The following PLCB1 variants were observed in gnomAD, a reference collection of about 807,000 sequenced individuals.
PLCB1 encodes the protein 1-phosphatidylinositol 4,5-bisphosphate phosphodiesterase beta-1.
PLCB1 carries 46 observed loss-of-function variants against 161.8 expected under a neutral mutation model. The ratio of observed to expected loss-of-function variants is 0.28; its 90% CI spans 0.22 to 0.36. The LOEUF is 0.36. Ranked by LOEUF, PLCB1 falls within the 10% of genes least tolerant of loss-of-function variation. The pLI, the probability that PLCB1 is intolerant of heterozygous loss-of-function variation, is 1.00. For synonymous variants in PLCB1, 517 were observed against 503.7 expected, an observed-to-expected ratio of 1.03 and a Z score of -0.35; for missense variants, 1,016 against 1,472.5, an observed-to-expected ratio of 0.69 and a Z score of 5.07.
chr20:8,809,635 G>A (rs1029815414), intron 31 of PLCB1, among the ~76,000 whole-genome samples: 2 of 152,128 alleles, frequency 1.3e-5, no homozygotes, highest in African/African-American at 4.8e-5. Flanking sequence ...GGTTTTCCCA[G>A]TATTTATCTG....
chr20:8,362,399 C>T (rs193215359), intron 2 of PLCB1, among the ~76,000 whole-genome samples: 25 of 152,188 alleles, frequency 1.6e-4, no homozygotes, highest in African/African-American at 6.0e-4. Context: ...ATAATGTTTC[C>T]TAGAATCCAG....
chr20:8,522,914 A>G (rs1984408848), intron 3 of PLCB1, among the ~76,000 whole-genome samples: 1 of 152,168 alleles, frequency 6.6e-6, no homozygotes. Flanking sequence ...TGCTTCTCAA[A>G]TAAGGAAATC....
chr20:8,685,137 T>G, intron 10 of PLCB1, 59 bp downstream of exon 10: 5 of 1,484,420 alleles, frequency 3.4e-6, no homozygotes, highest in Non-Finnish European at 4.7e-6. Flanking sequence ...CACCAACCTC[T>G]ACTTTCTGTT....
In PLCB1 at chr20:8,573,642, T is replaced by C. The variant is rs552566168; in HGVS notation, c.247-54652T>C. ...CTCTGGCCAAATGATCCTTCTGACC[T>C]CTCTGTAAAAAGACCAAGTTCTAAA... is the stretch of plus-strand genomic sequence containing the variant. On this transcript the variant is annotated intron_variant, in intron 3 of 31. Transcript: ENST00000338037. 1.3e-3 allele frequency among the ~76,000 whole-genome samples: 199 copies of C among 152,328 alleles called. 3 individuals are homozygous for C. Among genetic ancestry groups the C allele is most frequent in the Non-Finnish European group, 3.7e-4 (25 of 68,030 alleles).
intron 31 of PLCB1, among the ~76,000 whole-genome samples, chr20:8,856,321 A>G (rs1315887892): frequency 3.9e-5 from 6 of 152,180 alleles, no homozygotes; most frequent in Non-Finnish European, 2.9e-5. Flanking sequence ...CCTATACTGT[A>G]TAAAATTTGG....
At position 8,800,382 on chromosome 20, in the gene PLCB1, T is replaced by A. The variant is rs73600207; in HGVS notation, c.3423+10121T>A. On this transcript the variant is annotated intron_variant, in intron 31 of 31. Transcript: ENST00000338037. ...ATAATCATTAGTTGAGGTTAATCTT[T>A]GATTTGTCAAGGAGGTGTTTGAATT... Among the ~76,000 whole-genome samples the A allele has an allele frequency of 1.2e-3, 185 of 152,340 alleles. 1 individual carries two copies. The East Asian group carries it at 0.029, about 24-fold the overall frequency.
rs1980006333 is a variant in PLCB1, at chr20:8,231,079, G to A, written c.177+80708G>A. 1.3e-5 allele frequency among the ~76,000 whole-genome samples: 2 copies of A among 152,192 alleles called. 1 individual carries two copies. The highest frequency in any genetic ancestry group is 6.8e-3 in the Middle Eastern group (2 of 294). On this transcript the variant is annotated intron_variant, in intron 2 of 31. Coordinates refer to ENST00000338037, the MANE Select transcript of PLCB1 (RefSeq NM_015192.4). Reference sequence around the variant, plus strand: ...TGTGTCAAAATTTACCTCATGGTCAGCTGCTCCAGAAAGCTTTTCTAGAAA... The same window carrying A: ...TGTGTCAAAATTTACCTCATGGTCAACTGCTCCAGAAAGCTTTTCTAGAAA...
chr20:8,811,558 G>GT (rs1984821987), intron 31 of PLCB1, among the ~76,000 whole-genome samples: 1 of 152,020 alleles, frequency 6.6e-6, no homozygotes, highest in Non-Finnish European at 1.5e-5. Context: ...TGGCAGAGTG[G>GT]TTTTTCCCTC....
At chr20:8,167,662 G>T in intron 2 of PLCB1, among the ~76,000 whole-genome samples, 1 of 152,194 alleles carries the variant, frequency 6.6e-6, no homozygotes, top group Admixed American at 6.5e-5. Context: ...AGAAAAAGCA[G>T]TATTTTATCA....
At chr20:8,362,589 G>A (rs932037413) in intron 2 of PLCB1, among the ~76,000 whole-genome samples, 12 of 152,094 alleles carry the variant, frequency 7.9e-5, no homozygotes, top group South Asian at 2.1e-4. Flanking sequence ...TTAGATGAGC[G>A]TGTAGGAGTT....
At chr20:8,323,021 C>T (rs1202193709) in intron 2 of PLCB1, among the ~76,000 whole-genome samples, 2 of 152,110 alleles carry the variant, frequency 1.3e-5, no homozygotes, top group Non-Finnish European at 2.9e-5. Flanking sequence ...TGATGCAGCC[C>T]GATCTCCAGC....
intron 2 of PLCB1, among the ~76,000 whole-genome samples, chr20:8,276,956 CTT>C (rs1982587056): frequency 1.6e-5 from 2 of 124,032 alleles, no homozygotes; most frequent in Admixed American, 8.3e-5. Flanking sequence ...TCTTCTTCTT[CTT>C]CTTCTTCTTC....
At position 8,134,428 on chromosome 20, in the gene PLCB1, T is replaced by A. The variant is rs1166033883; in HGVS notation, c.99+1678T>A. ...ACAGTGATGATTCTAAACTGTATTT[T>A]AAATAATTCTCTATAATTTCTTGTT... On this transcript the variant is annotated intron_variant, in intron 1 of 31. Coordinates refer to ENST00000338037, the MANE Select transcript of PLCB1 (RefSeq NM_015192.4). 2.0e-5 allele frequency among the ~76,000 whole-genome samples: 3 copies of A among 152,244 alleles called. No homozygotes were observed. In the East Asian group the frequency reaches 5.8e-4, roughly 29 times the overall value.
chr20:8,235,641 A>G (rs1980278657), intron 2 of PLCB1, among the ~76,000 whole-genome samples: 1 of 152,136 alleles, frequency 6.6e-6, no homozygotes, highest in South Asian at 2.1e-4. Context: ...ACACTGCTTA[A>G]TAAAATGAAT....
At chr20:8,159,988 CA>C (rs375028388) in intron 2 of PLCB1, among the ~76,000 whole-genome samples, 6,385 of 79,248 alleles carry the variant, frequency 0.081, 417 homozygotes, top group African/African-American at 0.26. Context: ...AACTCCATCT[CA>C]AAAAAAAAAA....
chr20:8,246,210 A>C (rs977268830), intron 2 of PLCB1, among the ~76,000 whole-genome samples: 2 of 151,958 alleles, frequency 1.3e-5, no homozygotes, highest in African/African-American at 2.4e-5. Context: ...TGAAATTACA[A>C]CTACATATTT....
intron 3 of PLCB1, among the ~76,000 whole-genome samples, chr20:8,580,480 A>G (rs1044816150): frequency 6.6e-6 from 1 of 152,218 alleles, no homozygotes; most frequent in African/African-American, 2.4e-5. Flanking sequence ...TTTCTTTCCA[A>G]TGATCAACAT....
rs1980627289 is a variant in PLCB1, at chr20:8,737,187, A to C, written c.2203A>C (p.Lys735Gln). The C allele has an allele frequency of 6.2e-7, 1 of 1,613,000 alleles. No homozygotes were observed. The highest frequency in any genetic ancestry group is 1.7e-5 in the Admixed American group (1 of 59,954). The change falls in exon 20 of 32, where the codon AAA becomes CAA. Residue 735 changes from lysine to glutamine, a missense_variant. Lys to Gln is a moderately conservative substitution (Grantham distance 53, BLOSUM62 1). Coordinates refer to ENST00000338037, the MANE Select transcript of PLCB1 (RefSeq NM_015192.4). The stretch of plus-strand genomic sequence containing the variant: ...CTGGGAAGAAGAACCTATTGTGTTC[A>C]AAAAGGTTGGTCACATGTTCTTGAT... ...PVWEEEPIVF[K>Q]KVVLPTLACL...
rs757786589 is a variant in PLCB1 at position 8,336,263 on chromosome 20, G to A, written c.178-35119G>A. ...TCTCAGAAGATTATCTGTGTAAACCGAAACCTACACCTATATACGTACATG... is the reference window on the plus strand; with the variant it reads ...TCTCAGAAGATTATCTGTGTAAACCAAAACCTACACCTATATACGTACATG... On this transcript the variant is annotated intron_variant, in intron 2 of 31. Coordinates refer to ENST00000338037, the MANE Select transcript of PLCB1 (RefSeq NM_015192.4). 3.5e-4 allele frequency among the ~76,000 whole-genome samples: 53 copies of A among 152,158 alleles called. 1 individual carries two copies. The highest frequency in any genetic ancestry group is 1.9e-4 in the East Asian group (1 of 5,192).
Sources: gnomAD v4.1 joint callset for allele counts (sites outside exome capture counted in the v4.1 genomes callset) on GRCh38, gnomAD v4.1.1 for gene constraint, MANE v1.5 for transcripts, NCBI Gene and HGNC (gene_info 2026-07-23, HGNC 2026-07-21) for gene names.